VWA8: variants seen among roughly 807,000 people sequenced by gnomAD.
VWA8 encodes the protein von Willebrand factor A domain-containing protein 8.
Under a neutral mutation model 241.5 loss-of-function variants are expected in VWA8, and 221 were observed. That is an observed-to-expected ratio of 0.91 (90% CI 0.82 to 1.02). The LOEUF (loss-of-function observed/expected upper bound fraction) is 1.02, where lower values mean the gene tolerates loss of function less well. Ranked by LOEUF, VWA8 falls within the 50% of genes least tolerant of loss-of-function variation. The pLI is 0.00. For missense variants in VWA8, 2,322 were observed against 2,328.7 expected, an observed-to-expected ratio of 1.00 and a Z score of 0.06; for synonymous variants, 852 against 827.1, an observed-to-expected ratio of 1.03 and a Z score of -0.52.
chr13:41,627,184 G>A (rs1162313803), intron 37 of VWA8, among the ~76,000 whole-genome samples: 2 of 152,150 alleles, frequency 1.3e-5, no homozygotes, highest in African/African-American at 4.8e-5. Context: ...CTAATTATTA[G>A]AGAAATGCAA....
Position 41,576,325 on chromosome 13 carries a change from A to G in VWA8, c.5272-487T>C, listed in dbSNP as rs190236775. On this transcript the variant is annotated intron_variant, in intron 42 of 44. Transcript: ENST00000379310. Reference sequence around the variant, plus strand: ...AGAGAGTTTGCAATCAAGTTGGGGCAATAAGAAGCTTTTCCCTTGCATGTG... The same window carrying G: ...AGAGAGTTTGCAATCAAGTTGGGGCGATAAGAAGCTTTTCCCTTGCATGTG... Among the ~76,000 whole-genome samples, 17 of 152,352 alleles carry G rather than the reference A, an allele frequency of 1.1e-4. No homozygotes were observed. In the East Asian group the frequency reaches 3.3e-3, roughly 29 times the overall value.
chr13:41,808,059 A>T (rs954166162), intron 17 of VWA8: 6 of 152,240 alleles, frequency 3.9e-5, no homozygotes, highest in African/African-American at 1.4e-4. Flanking sequence ...AAAAAACAGG[A>T]GTCACTATAC....
rs148659865 is a variant in VWA8 at position 41,943,973 on chromosome 13, C to T, written c.241+5963G>A. Among the ~76,000 whole-genome samples the T allele has an allele frequency of 6.0e-3, 905 of 151,978 alleles. 15 individuals are homozygous for T. Among genetic ancestry groups the T allele is most frequent in the African/African-American group, 0.02 (848 of 41,464 alleles). ...TACAAAAATTAGCTAGGCAATGTGGCGTGAGCCTGTAATCCCAGCTACTCG... is the reference window on the plus strand; with the variant it reads ...TACAAAAATTAGCTAGGCAATGTGGTGTGAGCCTGTAATCCCAGCTACTCG... On this transcript the variant is annotated intron_variant, in intron 2 of 44. Transcript: ENST00000379310.
At chr13:41,869,076 G>C (rs539111233) in intron 9 of VWA8, among the ~76,000 whole-genome samples, 20 of 152,174 alleles carry the variant, frequency 1.3e-4, no homozygotes, top group African/African-American at 4.3e-4. Flanking sequence ...GAAGTTCATA[G>C]TTTACATTTC....
At chr13:41,881,574 T>C (rs1227881694) in intron 9 of VWA8, among the ~76,000 whole-genome samples, 2 of 149,738 alleles carry the variant, frequency 1.3e-5, no homozygotes, top group Non-Finnish European at 3.0e-5. Flanking sequence ...CAATGAGCTG[T>C]TGGGTACACC....
At chr13:41,683,407 TAAGAA>T (rs1459516707) in intron 35 of VWA8, among the ~76,000 whole-genome samples, 2 of 152,030 alleles carry the variant, frequency 1.3e-5, no homozygotes, top group East Asian at 3.9e-4. Flanking sequence ...GGCAAATCTA[TAAGAA>T]AAGAAATCAG....
intron 25 of VWA8, among the ~76,000 whole-genome samples, chr13:41,720,635 A>G (rs2045382092): frequency 6.6e-6 from 1 of 152,086 alleles, no homozygotes; most frequent in South Asian, 2.1e-4. Context: ...TAGATCTCAA[A>G]AACTTATTTC....
chr13:41,783,172 GTA>G (rs1304065660), intron 19 of VWA8, among the ~76,000 whole-genome samples: 1 of 148,274 alleles, frequency 6.7e-6, no homozygotes, highest in East Asian at 1.9e-4. Context: ...TTATATGTGT[GTA>G]TGTGTATATA....
chr13:41,867,134 A>T (rs1289014508), intron 10 of VWA8, among the ~76,000 whole-genome samples: 1 of 152,230 alleles, frequency 6.6e-6, no homozygotes, highest in Non-Finnish European at 1.5e-5. Flanking sequence ...ACCAAAGGGA[A>T]GCAAATAATG....
chr13:41,950,157 T>C (rs969985023), intron 1 of VWA8, 144 bp from the exon 2 acceptor site: 18 of 461,704 alleles, frequency 3.9e-5, no homozygotes, highest in African/African-American at 3.2e-4. Flanking sequence ...CACTATGCTC[T>C]AAAACTTCTA....
rs183525704 is a variant in VWA8, at chr13:41,936,357, C to T, written c.241+13579G>A. 2.2e-3 allele frequency among the ~76,000 whole-genome samples: 333 copies of T among 152,038 alleles called. 2 individuals are homozygous for T. Among genetic ancestry groups the T allele is most frequent in the Non-Finnish European group, 3.6e-3 (242 of 67,958 alleles). ...CTTTTATGTTGTGCCTGTTTAAATC[C>T]TTCATTTATTTTCTATTGGATCACA... is the stretch of plus-strand genomic sequence containing the variant. On this transcript the variant is annotated intron_variant, in intron 2 of 44. Transcript: ENST00000379310.
At chr13:41,756,747 A>T (rs2045697300) in intron 21 of VWA8, among the ~76,000 whole-genome samples, 1 of 151,660 alleles carries the variant, frequency 6.6e-6, no homozygotes, top group Non-Finnish European at 1.5e-5. Flanking sequence ...TAAGAAAAAA[A>T]GTTTTTTCCT....
At chr13:41,676,540 T>G (rs370788009) in intron 35 of VWA8, among the ~76,000 whole-genome samples, 1 of 152,226 alleles carries the variant, frequency 6.6e-6, no homozygotes, top group African/African-American at 2.4e-5. Flanking sequence ...ATGTCATTAG[T>G]GTACCTGAGT....
At chr13:41,613,520 TATC>T (rs1297299731) in intron 38 of VWA8, among the ~76,000 whole-genome samples, 3 of 152,154 alleles carry the variant, frequency 2.0e-5, no homozygotes, top group Middle Eastern at 3.2e-3. Context: ...GCTGAGATGT[TATC>T]ATTCTGGTGA....
At chr13:41,604,008 G>C (rs1327255800) in intron 40 of VWA8, among the ~76,000 whole-genome samples, 1 of 152,034 alleles carries the variant, frequency 6.6e-6, no homozygotes, top group Non-Finnish European at 1.5e-5. Context: ...CTAATGCCTG[G>C]TGTGCATCGA....
chr13:41,844,713 C>T (rs759038887), intron 12 of VWA8, among the ~76,000 whole-genome samples: 1 of 151,822 alleles, frequency 6.6e-6, no homozygotes, highest in Non-Finnish European at 1.5e-5. Context: ...AATGGATACA[C>T]CGATAACATT....
chr13:41,608,254 G>A (rs944514303), intron 39 of VWA8, among the ~76,000 whole-genome samples: 2 of 151,988 alleles, frequency 1.3e-5, no homozygotes, highest in African/African-American at 2.4e-5. Context: ...GATTGTGTCG[G>A]TTTTCAGAAA....
intron 18 of VWA8, among the ~76,000 whole-genome samples, chr13:41,784,697 C>CATATATATATATATATATATAT (rs59582293): frequency 5.3e-5 from 3 of 57,028 alleles, no homozygotes; most frequent in Non-Finnish European, 7.3e-5. Context: ...TATACATATA[C>CATATATATATATATATATATAT]ATATATATAT....
chr13:41,768,903 CTTTTT>C (rs34257749), intron 20 of VWA8, among the ~76,000 whole-genome samples: 2 of 128,268 alleles, frequency 1.6e-5, no homozygotes, highest in Non-Finnish European at 1.7e-5. Flanking sequence ...AAAACAATGC[CTTTTT>C]TTTTTTTTTT....
Sources: gnomAD v4.1 joint callset for allele counts (sites outside exome capture counted in the v4.1 genomes callset) on GRCh38, gnomAD v4.1.1 for gene constraint, MANE v1.5 for transcripts, NCBI Gene and HGNC (gene_info 2026-07-23, HGNC 2026-07-21) for gene names.